Variants in OVCH1 observed in about 807,000 individuals in gnomAD.
OVCH1 encodes ovochymase-1.
In OVCH1, 139 loss-of-function variants were observed where a neutral mutation model predicts 138.4. The ratio of observed to expected loss-of-function variants is 1.00; its 90% CI spans 0.87 to 1.16. The LOEUF is 1.16. Among genes scored for constraint, OVCH1 ranks in the 50% most tolerant of loss-of-function variants. The pLI is 0.00. For missense variants in OVCH1, 1,367 were observed against 1,357.9 expected, an observed-to-expected ratio of 1.01 and a Z score of -0.11; for synonymous variants, 453 against 467.8, an observed-to-expected ratio of 0.97 and a Z score of 0.41.
At chr12:29,446,205 A>T (rs1007611624) in intron 22 of OVCH1, among the ~76,000 whole-genome samples, 1 of 152,112 alleles carries the variant, frequency 6.6e-6, no homozygotes, top group Non-Finnish European at 1.5e-5. Flanking sequence ...GAATCCTCAG[A>T]ACCAAGATGA....
At chr12:29,415,220 G>GA (rs1288672399) in intron 3 of OVCH1, among the ~76,000 whole-genome samples, 2 of 152,106 alleles carry the variant, frequency 1.3e-5, no homozygotes, top group East Asian at 3.9e-4. Flanking sequence ...CGGAGAACAG[G>GA]AAAAAGGATC....
chr12:29,467,554 G>A (rs1942363519), intron 16 of OVCH1, among the ~76,000 whole-genome samples: 2 of 152,136 alleles, frequency 1.3e-5, no homozygotes, highest in Admixed American at 1.3e-4. Flanking sequence ...AGTGGAGCAT[G>A]TGTCACTTAT....
At chr12:29,467,903 A>G (rs1398178285) in intron 16 of OVCH1, among the ~76,000 whole-genome samples, 2 of 152,188 alleles carry the variant, frequency 1.3e-5, no homozygotes, top group Non-Finnish European at 2.9e-5. Context: ...GCTAAAAGGC[A>G]GGGCACGTGT....
chr12:29,471,081 G>A (rs1459767709), intron 16 of OVCH1, among the ~76,000 whole-genome samples: 1 of 151,732 alleles, frequency 6.6e-6, no homozygotes, highest in African/African-American at 2.4e-5. Flanking sequence ...TTTTTTCCTT[G>A]TAAATTTAGC....
chr12:29,431,544 T>C (rs1941268075), intron 27 of OVCH1, among the ~76,000 whole-genome samples: 1 of 151,744 alleles, frequency 6.6e-6, no homozygotes, highest in Non-Finnish European at 1.5e-5. Context: ...TTGTATTCCA[T>C]TTTATACCAT....
intron 5 of OVCH1, among the ~76,000 whole-genome samples, chr12:29,490,089 G>A (rs1046342203): frequency 6.6e-6 from 1 of 151,962 alleles, no homozygotes; most frequent in Non-Finnish European, 1.5e-5. Flanking sequence ...TTTAAGACAA[G>A]GTGTCCCTCT....
intron 3 of OVCH1, among the ~76,000 whole-genome samples, chr12:29,414,044 G>C (rs1235600302): frequency 6.0e-5 from 7 of 115,888 alleles, no homozygotes; most frequent in Non-Finnish European, 1.1e-4. Flanking sequence ...TTTTTTTTTG[G>C]AGTATTGCTC....
intron 3 of OVCH1, among the ~76,000 whole-genome samples, chr12:29,417,271 G>A (rs1941041891): frequency 6.6e-6 from 1 of 151,948 alleles, no homozygotes; most frequent in Admixed American, 6.6e-5. Flanking sequence ...TGACAAACCT[G>A]ACCAATATGG....
intron 8 of OVCH1, among the ~76,000 whole-genome samples, chr12:29,481,606 C>T (rs897327684): frequency 2.0e-5 from 3 of 152,166 alleles, no homozygotes; most frequent in Non-Finnish European, 2.9e-5. Flanking sequence ...TTATTCTGCC[C>T]TCTTTTCAAT....
At chr12:29,464,512 C>A in exon 18 of OVCH1, 1 of 1,613,202 alleles carries the variant, frequency 6.2e-7, no homozygotes, top group Non-Finnish European at 8.5e-7. Flanking sequence ...CTTACCTGCA[C>A]TGATGCTTCC....
At chr12:29,419,340 T>A (rs1179771136) in intron 3 of OVCH1, among the ~76,000 whole-genome samples, 1 of 151,718 alleles carries the variant, frequency 6.6e-6, no homozygotes, top group Non-Finnish European at 1.5e-5. Context: ...CAGGCTGGAG[T>A]GCAGTGGCAC....
chr12:29,497,509 G>T, intron 1 of OVCH1, 114 bp downstream of exon 1: 3 of 1,196,202 alleles, frequency 2.5e-6, no homozygotes, highest in Non-Finnish European at 3.5e-6. Flanking sequence ...CTTCCCAAAT[G>T]CCTCAGGTGT....
chr12:29,460,723 T>C (rs1282809928), intron 19 of OVCH1, among the ~76,000 whole-genome samples: 2 of 152,052 alleles, frequency 1.3e-5, no homozygotes, highest in Admixed American at 1.3e-4. Flanking sequence ...CTATGGCAGA[T>C]GGCTTAATAA....
intron 22 of OVCH1, among the ~76,000 whole-genome samples, chr12:29,447,296 A>T (rs1471127770): frequency 6.6e-6 from 1 of 152,100 alleles, no homozygotes; most frequent in African/African-American, 2.4e-5. Context: ...TCTTAAAACA[A>T]ACAAACAAAA....
chr12:29,456,322 A>G (rs954484524), intron 19 of OVCH1, among the ~76,000 whole-genome samples: 23 of 152,150 alleles, frequency 1.5e-4, no homozygotes, highest in African/African-American at 5.1e-4. Context: ...GGCTTACATA[A>G]TTATTGAATT....
In OVCH1 at chr12:29,446,219, A is replaced by T. The variant is rs1168860705; in HGVS notation, c.2756-816T>A. Among the ~76,000 whole-genome samples the T allele has an allele frequency of 2.6e-5, 4 of 152,218 alleles. No homozygotes were observed. The East Asian group carries it at 7.7e-4, about 29-fold the overall frequency. ...TGAATCCTCAGAACCAAGATGACTC[A>T]GTCCGTGGTCCATAGTAGGTTCTTC... On this transcript the variant is annotated intron_variant, in intron 22 of 27. Transcript: ENST00000318184.
At chr12:29,477,215 G>A in exon 12 of OVCH1, 1 of 1,613,778 alleles carries the variant, frequency 6.2e-7, no homozygotes, top group East Asian at 2.2e-5. Flanking sequence ...AATATAGCCA[G>A]ACTCCCACAA....
At chr12:29,411,377 C>A (rs12425794), downstream of OVCH1, among the ~76,000 whole-genome samples, 83,728 of 149,452 alleles carry the variant, frequency 0.56, 25,587 homozygotes, top group Middle Eastern at 0.77. Context: ...AGGAGAGGTG[C>A]TCTGCTTTTT....
intron 16 of OVCH1, 47 bp from the exon 17 acceptor site, chr12:29,465,266 A>G: frequency 6.7e-7 from 1 of 1,497,328 alleles, no homozygotes; most frequent in South Asian, 1.2e-5. Flanking sequence ...ACACATTTGT[A>G]TTAGTTTGTT....
Sources: gnomAD v4.1 joint callset for allele counts (sites outside exome capture counted in the v4.1 genomes callset) on GRCh38, gnomAD v4.1.1 for gene constraint, MANE v1.5 for transcripts, NCBI Gene and HGNC (gene_info 2026-07-23, HGNC 2026-07-21) for gene names.